ARHGEF12: variants seen among roughly 807,000 people sequenced by gnomAD.
ARHGEF12 encodes the protein KMT2A/ARHGEF12 fusion protein.
Under a neutral mutation model 211.2 loss-of-function variants are expected in ARHGEF12, and 66 were observed. The observed-to-expected ratio is 0.31, with a 90% CI of 0.26 to 0.38. The LOEUF is 0.38. ARHGEF12 is among the 10% of genes least tolerant of loss of function. The pLI is 1.00. For missense variants in ARHGEF12, 1,429 were observed against 1,869.5 expected, an observed-to-expected ratio of 0.76 and a Z score of 4.34; for synonymous variants, 592 against 638.4, an observed-to-expected ratio of 0.93 and a Z score of 1.09.
chr11:120,463,213 A>G (rs1028162899), intron 27 of ARHGEF12: 6 of 152,244 alleles, frequency 3.9e-5, no homozygotes, highest in East Asian at 1.9e-4. Flanking sequence ...AGGAACATCT[A>G]TACTTAAACT....
chr11:120,360,070 A>G (rs565063710), intron 1 of ARHGEF12, among the ~76,000 whole-genome samples: 1 of 152,304 alleles, frequency 6.6e-6, no homozygotes, highest in Admixed American at 6.5e-5. Context: ...TTTAAGGTAG[A>G]GACTCTTTAA....
At chr11:120,342,892 C>G (rs754142405) in intron 1 of ARHGEF12, among the ~76,000 whole-genome samples, 1 of 152,088 alleles carries the variant, frequency 6.6e-6, no homozygotes. Context: ...CATCTTGTTG[C>G]AATATGATGA....
Position 120,441,837 on chromosome 11 carries a change from A to G in ARHGEF12, c.1203+20A>G, listed in dbSNP as rs778250833. On this transcript the variant is annotated intron_variant, in intron 14 of 40. Coordinates refer to ENST00000397843, the MANE Select transcript of ARHGEF12 (RefSeq NM_015313.3). ...ACTTTGGTAATATATTTTACAATCTAGCAGATTCAGAGTTCTTCTGTTGAT... is the reference window on the plus strand; with the variant it reads ...ACTTTGGTAATATATTTTACAATCTGGCAGATTCAGAGTTCTTCTGTTGAT... 5.0e-6 allele frequency: 8 copies of G among 1,601,334 alleles called. No homozygotes were observed. Among genetic ancestry groups the G allele is most frequent in the African/African-American group, 4.0e-5 (3 of 74,628 alleles).
rs1198710356 is a variant in ARHGEF12 at position 120,446,953 on chromosome 11, A to C, written c.1457A>C (p.Lys486Thr). The part of the protein sequence containing the change: ...VQRHLEDFRQ[K>T]RSMGLTLAES... The stretch of plus-strand genomic sequence containing the variant: ...AACTTCTCTATTCCCTTCAGGCAGA[A>C]ACGTAGTATGGGACTGACCTTGGCT... The change falls in exon 18 of 41, where the codon AAA becomes ACA. Residue 486 changes from lysine (K) to threonine (T), a missense_variant. Physicochemically the swap from Lys to Thr is moderately conservative, Grantham distance 78 (BLOSUM62 -1). Around this residue, in one of 7 missense-constraint regions of ARHGEF12, gnomAD observed 373 missense variants for 467.5 expected, o/e 0.80. Transcript: ENST00000397843. The C allele has an allele frequency of 1.2e-6, 2 of 1,613,486 alleles. No homozygotes were observed. Among genetic ancestry groups the C allele is most frequent in the Non-Finnish European group, 1.7e-6 (2 of 1,179,876 alleles).
At position 120,486,174 on chromosome 11, in the gene ARHGEF12, A is replaced by G. The variant is rs1317885133; in HGVS notation, c.*1097A>G. 4.3e-6 allele frequency: 1 copy of G among 233,404 alleles called. No individual in the cohort carries two copies. Among genetic ancestry groups the G allele is most frequent in the Non-Finnish European group, 8.5e-6 (1 of 117,940 alleles). 14.5% of individuals were successfully genotyped at this position (233,404 alleles called of 1,614,324 possible). On this transcript the variant is annotated 3_prime_UTR_variant, in exon 41 of 41. Transcript: ENST00000397843. ...ATCATGGCTATCATTAGCCACAGGTACTGCTGATTATAAGGCCAGTAAAAT... is the reference window on the plus strand; with the variant it reads ...ATCATGGCTATCATTAGCCACAGGTGCTGCTGATTATAAGGCCAGTAAAAT...
Position 120,378,739 on chromosome 11 carries a change from G to A in ARHGEF12, c.33-27379G>A, listed in dbSNP as rs143162733. Among the ~76,000 whole-genome samples, 314 of 152,268 alleles carry A rather than the reference G, an allele frequency of 2.1e-3. 7 individuals carry two copies. In the Middle Eastern group the frequency reaches 0.024, roughly 12 times the overall value. On this transcript the variant is annotated intron_variant, in intron 1 of 40. Transcript: ENST00000397843. The stretch of plus-strand genomic sequence containing the variant: ...TTGCAGAAAAGACTGTCCTTTTCCC[G>A]TTGAACTGCTTTGGCATCTGTGTTA...
At chr11:120,423,025 G>A (rs1945242942) in intron 6 of ARHGEF12, among the ~76,000 whole-genome samples, 1 of 152,062 alleles carries the variant, frequency 6.6e-6, no homozygotes, top group African/African-American at 2.4e-5. Context: ...TCACAGACCA[G>A]ATATCCTTAA....
intron 17 of ARHGEF12, 136 bp from the exon 18 acceptor site, chr11:120,446,812 G>T: frequency 9.3e-7 from 1 of 1,075,268 alleles, no homozygotes. Context: ...TATCCTAGAT[G>T]ACATGGACCC....
intron 37 of ARHGEF12, 97 bp downstream of exon 37, chr11:120,478,486 T>C (rs910483322): frequency 4.5e-6 from 5 of 1,122,120 alleles, no homozygotes; most frequent in Non-Finnish European, 6.4e-6. Context: ...CACTTATTCT[T>C]CTAGTTCTAT....
At chr11:120,402,783 T>A (rs1944579973) in intron 1 of ARHGEF12, among the ~76,000 whole-genome samples, 1 of 152,172 alleles carries the variant, frequency 6.6e-6, no homozygotes, top group Non-Finnish European at 1.5e-5. Context: ...CTTTATGCAC[T>A]GAAATCAATA....
intron 1 of ARHGEF12, among the ~76,000 whole-genome samples, chr11:120,396,796 G>A (rs1944404468): frequency 6.6e-6 from 1 of 152,212 alleles, no homozygotes; most frequent in Non-Finnish European, 1.5e-5. Context: ...AACATGGGCA[G>A]TGACCTAATT....
intron 1 of ARHGEF12, among the ~76,000 whole-genome samples, chr11:120,401,612 A>G (rs1944549982): frequency 6.6e-6 from 1 of 152,220 alleles, no homozygotes; most frequent in African/African-American, 2.4e-5. Context: ...AGATGAGGAA[A>G]TAATGGACTT....
At chr11:120,379,726 T>C (rs1458711590) in intron 1 of ARHGEF12, among the ~76,000 whole-genome samples, 1 of 152,130 alleles carries the variant, frequency 6.6e-6, no homozygotes. Flanking sequence ...AGACTGGTGA[T>C]ACAGTGAATT....
At chr11:120,406,034 C>A in intron 1 of ARHGEF12, 84 bp from the exon 2 acceptor site, 1 of 1,024,660 alleles carries the variant, frequency 9.8e-7, no homozygotes, top group Non-Finnish European at 1.5e-6. Context: ...ATCTCTTATT[C>A]TGGTTCAGTA....
intron 31 of ARHGEF12, 89 bp from the exon 32 acceptor site, chr11:120,474,464 TATTAAGA>T: frequency 1.3e-6 from 1 of 745,898 alleles, no homozygotes; most frequent in Admixed American, 3.1e-5. Flanking sequence ...GTGTATTTTA[TATTAAGA>T]ATTTCTTTAA....
At chr11:120,427,001 C>G (rs1945365213) in intron 7 of ARHGEF12, among the ~76,000 whole-genome samples, 1 of 152,104 alleles carries the variant, frequency 6.6e-6, no homozygotes, top group Non-Finnish European at 1.5e-5. Flanking sequence ...CTCAGCTTCC[C>G]TAGTAGCTGA....
chr11:120,443,188 AT>A (rs1310710627), intron 15 of ARHGEF12, among the ~76,000 whole-genome samples: 2 of 151,502 alleles, frequency 1.3e-5, no homozygotes, highest in Admixed American at 1.3e-4. Flanking sequence ...TGCCTGGCTA[AT>A]TTTTGTATTT....
intron 4 of ARHGEF12, chr11:120,411,725 G>C (rs1422038756): frequency 6.7e-6 from 1 of 150,228 alleles, no homozygotes; most frequent in Non-Finnish European, 1.5e-5. Flanking sequence ...AAGTAGCTGG[G>C]ACTACAGGTG....
chr11:120,445,304 C>G, intron 15 of ARHGEF12, 118 bp from the exon 16 acceptor site: 2 of 917,992 alleles, frequency 2.2e-6, no homozygotes, highest in Non-Finnish European at 1.8e-6. Flanking sequence ...TGAGCTTGTA[C>G]TTGATTGTGC....
Sources: gnomAD v4.1 joint callset for allele counts (sites outside exome capture counted in the v4.1 genomes callset) on GRCh38, gnomAD v4.1.1 for gene constraint, gnomAD v4.1.1 regional missense constraint, MANE v1.5 for transcripts, NCBI Gene and HGNC (gene_info 2026-07-23, HGNC 2026-07-21) for gene names.